Variants in ACTL6B observed in about 807,000 individuals in gnomAD.
ACTL6B encodes actin like 6B, also known as actin-like protein 6B.
ACTL6B carries 48 observed loss-of-function variants against 63.3 expected under a neutral mutation model. That is an observed-to-expected ratio of 0.76 (90% confidence interval 0.60 to 0.96). The LOEUF is 0.96. ACTL6B is among the 50% of genes least tolerant of loss of function. ACTL6B has a pLI of 0.00. For missense variants in ACTL6B, 350 were observed against 572.2 expected (o/e 0.61, Z 3.96); for synonymous variants, 230 against 223.8 (o/e 1.03, Z -0.25).
Position 100,648,681 on chromosome 7 carries a change from C to G in ACTL6B, c.563-19G>C. 6.2e-7 allele frequency: 1 copy of G among 1,613,108 alleles called. No homozygotes were observed. The highest frequency in any genetic ancestry group is 8.5e-7 in the Non-Finnish European group (1 of 1,179,414). Reference sequence around the variant, plus strand: ...ACGATGCCTAGAAGGAAGGCACTGTCAGGACCTGGTCCTCCTGGAGCACCC... The same window carrying G: ...ACGATGCCTAGAAGGAAGGCACTGTGAGGACCTGGTCCTCCTGGAGCACCC... On this transcript the variant is annotated intron_variant, in intron 6 of 13. Transcript: ENST00000160382. The surrounding 1 kb of genome is among the most constrained non-coding windows in gnomAD (Gnocchi z 4.4).
chr7:100,643,442 C>A, intron 13 of ACTL6B, 116 bp from the exon 14 acceptor site: 1 of 950,400 alleles, frequency 1.1e-6, no homozygotes, highest in South Asian at 1.4e-5. Flanking sequence ...GTTCACATCC[C>A]TCTGAAGCCC....
Position 100,644,046 on chromosome 7 carries a change from C to T in ACTL6B, c.1201-720G>A, listed in dbSNP as rs570914073. Among the ~76,000 whole-genome samples the T allele has an allele frequency of 6.6e-5, 10 of 152,122 alleles. No individual in the cohort carries two copies. The South Asian group carries it at 8.3e-4, about 13-fold the overall frequency. On this transcript the variant is annotated intron_variant, in intron 13 of 13. Transcript: ENST00000160382. ...TGCTGGGTAGCTGGGATTACAGGCG[C>T]GTGCCAACACGCCCGGCTAATTTTT... is the stretch of plus-strand genomic sequence containing the variant.
chr7:100,654,601 C>T (rs865838094), intron 4 of ACTL6B, among the ~76,000 whole-genome samples: 3 of 151,300 alleles, frequency 2.0e-5, no homozygotes, highest in Admixed American at 6.6e-5. Context: ...GCCAACAAGG[C>T]GAAACCCCCT....
Position 100,647,183 on chromosome 7 carries a change from C to A in ACTL6B, c.821+40G>T. The A allele has an allele frequency of 1.1e-6, 1 of 926,366 alleles. No homozygotes were observed. Among genetic ancestry groups the A allele is most frequent in the Non-Finnish European group, 1.7e-6 (1 of 599,180 alleles). 57.4% of individuals were successfully genotyped at this position (926,366 alleles called of 1,614,324 possible). ...CCAGCCCACCCCAAGAGTGCCGGTT[C>A]TGCCCTCTCTCCCACCCCAAAGCCC... On this transcript the variant is annotated intron_variant, in intron 9 of 13. Coordinates refer to ENST00000160382, the MANE Select transcript of ACTL6B (RefSeq NM_016188.5). This position sits in a 1 kb window ranked among gnomAD's most constrained non-coding sequence, Gnocchi z 4.4.
Position 100,646,740 on chromosome 7 carries a change from C to G in ACTL6B, c.1017+11G>C, listed in dbSNP as rs1349127368. The G allele has an allele frequency of 6.2e-7, 1 of 1,613,536 alleles. No homozygotes were observed. Among genetic ancestry groups the G allele is most frequent in the East Asian group, 2.2e-5 (1 of 44,878 alleles). ...CCCCTTTGCCGAGCCTCAGCTCCGG[C>G]CTGGCCTCACCGGGCGAATATCAAT... On this transcript the variant is annotated intron_variant, in intron 11 of 13. Coordinates refer to ENST00000160382, the MANE Select transcript of ACTL6B (RefSeq NM_016188.5). The surrounding 1 kb of genome is among the most constrained non-coding windows in gnomAD (Gnocchi z 6.1).
intron 4 of ACTL6B, among the ~76,000 whole-genome samples, chr7:100,654,281 T>A (rs1386204602): frequency 6.6e-6 from 1 of 151,680 alleles, no homozygotes; most frequent in Non-Finnish European, 1.5e-5. Flanking sequence ...AAAAAATTTT[T>A]AATTTTTATT....
rs1267527861 is a variant in ACTL6B, at chr7:100,655,990, C to T, written c.26-111G>A. On this transcript the variant is annotated intron_variant, in intron 1 of 13. Coordinates refer to ENST00000160382, the MANE Select transcript of ACTL6B (RefSeq NM_016188.5). This position sits in a 1 kb window ranked among gnomAD's most constrained non-coding sequence, Gnocchi z 4.4. ...CAGTCTCGCCACTTTCAACACCAGT[C>T]TGGGGCCGGTGGGAGCTGGGCCTGG... 8 of 1,147,390 alleles carry T rather than the reference C, an allele frequency of 7.0e-6. No individual in the cohort carries two copies. In the Admixed American group the frequency reaches 1.3e-4, roughly 18 times the overall value. 71.1% of individuals were successfully genotyped at this position (1,147,390 alleles called of 1,614,324 possible).
Position 100,647,394 on chromosome 7 carries a change from G to A in ACTL6B, c.759+50C>T, listed in dbSNP as rs1182887124. ...CATGCGGGGCCTCTGTCCCGCCCCC[G>A]ATTCATGGCAGGGGAGGGGGGTTTC... On this transcript the variant is annotated intron_variant, in intron 8 of 13. Coordinates refer to ENST00000160382, the MANE Select transcript of ACTL6B (RefSeq NM_016188.5). The surrounding 1 kb of genome is among the most constrained non-coding windows in gnomAD (Gnocchi z 4.4). 7.5e-6 allele frequency: 12 copies of A among 1,600,514 alleles called. No individual in the cohort carries two copies. The highest frequency in any genetic ancestry group is 2.7e-5 in the African/African-American group (2 of 74,698).
In ACTL6B at chr7:100,647,073, T is replaced by C. The variant is rs142633111; in HGVS notation, c.834A>G (p.Gln278=). 14 of 1,613,906 alleles carry C rather than the reference T, an allele frequency of 8.7e-6. No homozygotes were observed. The highest frequency in any genetic ancestry group is 3.3e-5 in the Admixed American group (2 of 59,984). Residue 278 remains glutamine (Q), a synonymous_variant, in exon 10 of 14, where the codon CAA becomes CAG. Transcript: ENST00000160382. The surrounding 1 kb of genome is among the most constrained non-coding windows in gnomAD (Gnocchi z 4.4). ...DSPYDEQVAA[Q]MPTVHYEMPN... ...GCATCTCGTAGTGCACTGTGGGCAT[T>C]TGTGCAGCCACCCTACCCAGAAGGG...
chr7:100,655,163 A>AG lies in ACTL6B; in HGVS notation c.269-45dup, dbSNP rs1472592524. ...CGTGCAGAGACGCAAGAAGGCAGGCAGGGGACAGGGACAGGAAGAAAAGGA... is the reference window on the plus strand; with the variant it reads ...CGTGCAGAGACGCAAGAAGGCAGGCAGGGGGACAGGGACAGGAAGAAAAGGA... On this transcript the variant is annotated intron_variant, in intron 3 of 13. Transcript: ENST00000160382. The surrounding 1 kb of genome is among the most constrained non-coding windows in gnomAD (Gnocchi z 4.4). 4 of 1,521,888 alleles carry AG rather than the reference A, an allele frequency of 2.6e-6. No individual in the cohort carries two copies. The African/African-American group carries it at 5.5e-5, about 21-fold the overall frequency. 94.3% of individuals were successfully genotyped at this position (1,521,888 alleles called of 1,614,324 possible). A position where few individuals can be genotyped will look rare whatever the true frequency, so the allele number is the denominator to read the frequency against.
At chr7:100,644,959 G>T (rs1803794767) in intron 13 of ACTL6B, among the ~76,000 whole-genome samples, 1 of 152,280 alleles carries the variant, frequency 6.6e-6, no homozygotes, top group Admixed American at 6.5e-5. Flanking sequence ...GGGAGGCTGA[G>T]GCAGAAGAAT....
chr7:100,655,052 T>C lies in ACTL6B; in HGVS notation c.336A>G (p.Pro112=). 1 of 1,614,062 alleles carries C rather than the reference T, an allele frequency of 6.2e-7. No individual in the cohort carries two copies. Among genetic ancestry groups the C allele is most frequent in the African/African-American group, 1.3e-5 (1 of 75,018 alleles). ...HTYSKHVKSE[P]NLHPVLMSEA... Reference sequence around the variant, plus strand: ...CGGACATGAGCACTGGGTGCAGGTTTGGCTCAGACTTGACGTGTTTGCTGT... The same window carrying C: ...CGGACATGAGCACTGGGTGCAGGTTCGGCTCAGACTTGACGTGTTTGCTGT... The change falls in exon 4 of 14, where the codon CCA becomes CCG. Residue 112 remains proline (P), a synonymous_variant. Transcript: ENST00000160382. The surrounding 1 kb of genome is among the most constrained non-coding windows in gnomAD (Gnocchi z 4.4).
In ACTL6B at chr7:100,647,619, C is replaced by G; in HGVS notation, c.670-86G>C. 1 of 1,008,146 alleles carries G rather than the reference C, an allele frequency of 9.9e-7. No individual in the cohort carries two copies. Among genetic ancestry groups the G allele is most frequent in the Middle Eastern group, 2.5e-4 (1 of 4,024 alleles). The allele number at this position is 1,008,146 out of a possible 1,614,324, so 62.5% of individuals were successfully genotyped here. A position where few individuals can be genotyped will look rare whatever the true frequency, so the allele number is the denominator to read the frequency against. On this transcript the variant is annotated intron_variant, in intron 7 of 13. Transcript: ENST00000160382. This position sits in a 1 kb window ranked among gnomAD's most constrained non-coding sequence, Gnocchi z 4.4. Reference sequence around the variant, plus strand: ...CCTGGCACTGTTCCCAGCTCTGCAGCTACCTGGCGCTGCAGGCTCTGCTGT... The same window carrying G: ...CCTGGCACTGTTCCCAGCTCTGCAGGTACCTGGCGCTGCAGGCTCTGCTGT...
rs1249128847 is a variant in ACTL6B at position 100,655,834 on chromosome 7, C to A, written c.71G>T (p.Arg24Leu). 4 of 1,576,680 alleles carry A rather than the reference C, an allele frequency of 2.5e-6. No individual in the cohort carries two copies. The highest frequency in any genetic ancestry group is 3.4e-6 in the Non-Finnish European group (4 of 1,160,716). ...ACAGTCCTCCCCAGCGTACCCAGCG[C>A]GGACTGAGAAGGAGCCAATGTCAAA... ...LVFDIGSFSVRAGYAGEDCPK... is the reference protein window; with the variant it reads ...LVFDIGSFSVLAGYAGEDCPK... Residue 24 changes from arginine to leucine, a missense_variant, in exon 2 of 14, where the codon CGC (arginine) becomes CTC (leucine). Transcript: ENST00000160382. This position sits in a 1 kb window ranked among gnomAD's most constrained non-coding sequence, Gnocchi z 4.4.
rs567168998 is a variant in ACTL6B, at chr7:100,647,179, G to A, written c.821+44C>T. On this transcript the variant is annotated intron_variant, in intron 9 of 13. Transcript: ENST00000160382. The surrounding 1 kb of genome is among the most constrained non-coding windows in gnomAD (Gnocchi z 4.4). ...CCCCCCAGCCCACCCCAAGAGTGCC[G>A]GTTCTGCCCTCTCTCCCACCCCAAA... The A allele has an allele frequency of 2.6e-5, 30 of 1,169,452 alleles. No homozygotes were observed. The highest frequency in any genetic ancestry group is 3.2e-5 in the Non-Finnish European group (26 of 808,748). The allele number at this position is 1,169,452 out of a possible 1,614,324, so 72.4% of individuals were successfully genotyped here. A position where few individuals can be genotyped will look rare whatever the true frequency, so the allele number is the denominator to read the frequency against.
rs2131334847 is a variant in ACTL6B at position 100,648,739 on chromosome 7, A to G, written c.552T>C (p.Val184=). Residue 184 remains valine, a synonymous_variant, in exon 6 of 14, where the codon GTT becomes GTC. Transcript: ENST00000160382. This position sits in a 1 kb window ranked among gnomAD's most constrained non-coding sequence, Gnocchi z 4.4. ...CTGCCGAAGCCCCACCTTGCTGCAG[A>G]ACGTAGCCGTCATGTACTGGAATGG... ...TTAIPVHDGY[V]LQQGIVKSPL... is the part of the protein sequence containing the mutation. The G allele has an allele frequency of 6.2e-7, 1 of 1,614,078 alleles. No homozygotes were observed. Among genetic ancestry groups the G allele is most frequent in the Non-Finnish European group, 8.5e-7 (1 of 1,179,990 alleles).
intron 4 of ACTL6B, among the ~76,000 whole-genome samples, chr7:100,651,552 A>G (rs960177178): frequency 1.4e-5 from 2 of 147,068 alleles, no homozygotes; most frequent in Non-Finnish European, 3.0e-5. Flanking sequence ...CTTCATCTCA[A>G]AAAAAAAAAA....
intron 4 of ACTL6B, among the ~76,000 whole-genome samples, chr7:100,653,751 G>T (rs952126469): frequency 1.3e-5 from 2 of 152,072 alleles, no homozygotes; most frequent in African/African-American, 4.8e-5. Context: ...AATACGTGTG[G>T]CATAGGCTGG....
In ACTL6B at chr7:100,647,175, T is replaced by A. The variant is rs1389016244; in HGVS notation, c.821+48A>T. The A allele has an allele frequency of 1.4e-6, 2 of 1,440,848 alleles. No homozygotes were observed. The highest frequency in any genetic ancestry group is 1.9e-6 in the Non-Finnish European group (2 of 1,045,122). 89.3% of individuals were successfully genotyped at this position (1,440,848 alleles called of 1,614,324 possible). A position where few individuals can be genotyped will look rare whatever the true frequency, so the allele number is the denominator to read the frequency against. On this transcript the variant is annotated intron_variant, in intron 9 of 13. Transcript: ENST00000160382. The surrounding 1 kb of genome is among the most constrained non-coding windows in gnomAD (Gnocchi z 4.4). Reference sequence around the variant, plus strand: ...AGAGCCCCCCAGCCCACCCCAAGAGTGCCGGTTCTGCCCTCTCTCCCACCC... The same window carrying A: ...AGAGCCCCCCAGCCCACCCCAAGAGAGCCGGTTCTGCCCTCTCTCCCACCC...
Sources: allele counts gnomAD v4.1 joint callset (sites outside exome capture counted in the v4.1 genomes callset), GRCh38; gene constraint gnomAD v4.1.1; non-coding constraint Gnocchi (gnomAD v3.1); transcripts MANE v1.5; gene names NCBI Gene and HGNC (gene_info 2026-07-23, HGNC 2026-07-21).